Variants in ANOS1 observed in about 807,000 individuals in gnomAD.
ANOS1 encodes anosmin 1.
In ANOS1, 6 loss-of-function variants were observed where a neutral mutation model predicts 59.0. The ratio of observed to expected loss-of-function variants is 0.10; its 90% CI spans 0.06 to 0.20. The LOEUF is 0.20. Ranked by LOEUF, ANOS1 falls within the 10% of genes least tolerant of loss-of-function variation. The pLI is 1.00. For synonymous variants in ANOS1, 217 were observed against 223.4 expected (o/e 0.97, Z 0.25); for missense variants, 433 against 542.3 (o/e 0.80, Z 2.00).
At chrX:8,641,934 T>C (rs1931672098) in intron 2 of ANOS1, among the ~76,000 whole-genome samples, 1 of 111,066 alleles carries the variant, frequency 9.0e-6, no homozygotes, top group Non-Finnish European at 1.9e-5. Flanking sequence ...AGACACAGAG[T>C]TTATTTTAAT....
chrX:8,553,491 C>T (rs1257074394), intron 9 of ANOS1, among the ~76,000 whole-genome samples: 1 of 111,440 alleles, frequency 9.0e-6, no homozygotes, highest in African/African-American at 3.3e-5. Context: ...CTCACACACA[C>T]ACACCCTAAC....
In ANOS1 at chrX:8,588,062, A is replaced by T. The variant is rs146331205; in HGVS notation, c.542-84T>A. 6,820 of 864,823 alleles carry T rather than the reference A, an allele frequency of 7.9e-3. 118 individuals are homozygous for T. The South Asian group carries it at 0.081, about 10-fold the overall frequency. The allele number at this position is 864,823 out of a possible 1,213,427, so 71.3% of individuals were successfully genotyped here. ...TTGAGGAAGAACAAATATGGAAGAG[A>T]TGAATCTGATCTGATGACAACTGAG... On this transcript the variant is annotated intron_variant, in intron 4 of 13. Transcript: ENST00000262648.
chrX:8,606,876 G>A (rs1930952712), intron 3 of ANOS1, among the ~76,000 whole-genome samples: 1 of 112,855 alleles, frequency 8.9e-6, no homozygotes, highest in African/African-American at 3.2e-5. Flanking sequence ...CCAGCACTTT[G>A]GGAGGCCAAG....
intron 1 of ANOS1, among the ~76,000 whole-genome samples, chrX:8,712,830 C>A (rs1932819959): frequency 8.9e-6 from 1 of 112,363 alleles, no homozygotes; most frequent in Non-Finnish European, 1.9e-5. Flanking sequence ...AAGAACCACA[C>A]CGTCATAATG....
At chrX:8,629,341 CTG>C (rs1311325588) in intron 2 of ANOS1, among the ~76,000 whole-genome samples, 3 of 111,877 alleles carry the variant, frequency 2.7e-5, no homozygotes, top group Non-Finnish European at 5.6e-5. Flanking sequence ...GCTAGTGACT[CTG>C]GGAGAGATTG....
chrX:8,730,675 C>A (rs999921610), intron 1 of ANOS1, among the ~76,000 whole-genome samples: 1 of 109,280 alleles, frequency 9.2e-6, no homozygotes, highest in East Asian at 2.9e-4. Context: ...GCCAGGGGAA[C>A]CCCTCCCCCC....
chrX:8,716,338 G>C (rs1047051858), intron 1 of ANOS1, among the ~76,000 whole-genome samples: 1 of 111,830 alleles, frequency 8.9e-6, no homozygotes, highest in Admixed American at 9.5e-5. Context: ...TTTTCGTTTA[G>C]GAGAGAGAAA....
At chrX:8,713,014 A>G (rs773456036) in intron 1 of ANOS1, among the ~76,000 whole-genome samples, 1 of 111,138 alleles carries the variant, frequency 9.0e-6, no homozygotes, top group African/African-American at 3.3e-5. Context: ...CCCTGAACAC[A>G]TATGTTCAGA....
At chrX:8,587,488 C>T (rs1232370630) in intron 5 of ANOS1, among the ~76,000 whole-genome samples, 1 of 111,791 alleles carries the variant, frequency 8.9e-6, no homozygotes, top group East Asian at 2.8e-4. Flanking sequence ...CTCTAGTTGG[C>T]TTTGAGTTTA....
Position 8,602,328 on chromosome X carries a change from G to C in ANOS1, c.319-5072C>G, listed in dbSNP as rs745689369. On this transcript the variant is annotated intron_variant, in intron 3 of 13. Coordinates refer to ENST00000262648, the MANE Select transcript of ANOS1 (RefSeq NM_000216.4). ...GTACAGGTCAGAGAAAATGCTGTGT[G>C]AATATTAATACTCTAGATATAAACA... Among the ~76,000 whole-genome samples the C allele has an allele frequency of 6.3e-5, 7 of 111,791 alleles. No homozygotes were observed. In the East Asian group the frequency reaches 2.0e-3, roughly 31 times the overall value.
intron 4 of ANOS1, among the ~76,000 whole-genome samples, chrX:8,591,230 T>C (rs1930610518): frequency 9.0e-6 from 1 of 111,491 alleles, no homozygotes; most frequent in Non-Finnish European, 1.9e-5. Flanking sequence ...GTGGCCTGCA[T>C]ATGCCAGACA....
chrX:8,576,543 T>C (rs776999935), intron 6 of ANOS1, among the ~76,000 whole-genome samples: 3 of 107,377 alleles, frequency 2.8e-5, no homozygotes, highest in African/African-American at 7.0e-5. Flanking sequence ...TATGCATAAA[T>C]AGACAGTGGC....
At chrX:8,730,830 A>G (rs1480231962) in intron 1 of ANOS1, among the ~76,000 whole-genome samples, 1 of 112,549 alleles carries the variant, frequency 8.9e-6, no homozygotes, top group African/African-American at 3.2e-5. Flanking sequence ...AGGATTTCAG[A>G]GCTCGCACGC....
intron 9 of ANOS1, among the ~76,000 whole-genome samples, chrX:8,543,685 G>A (rs1165673488): frequency 9.1e-6 from 1 of 110,193 alleles, no homozygotes; most frequent in African/African-American, 3.3e-5. Context: ...CCAGCATGGT[G>A]AAACCCTGTC....
intron 3 of ANOS1, among the ~76,000 whole-genome samples, chrX:8,610,033 A>AAAAAAAACAAC (rs1287806402): frequency 2.4e-5 from 2 of 82,692 alleles, no homozygotes; most frequent in Non-Finnish European, 2.3e-5. Flanking sequence ...AAAAAAAAAA[A>AAAAAAAACAAC]AACAACAACC....
At chrX:8,579,701 G>A (rs998762011) in intron 6 of ANOS1, among the ~76,000 whole-genome samples, 22 of 110,570 alleles carry the variant, frequency 2.0e-4, no homozygotes, top group African/African-American at 7.3e-4. Context: ...GCTGTGTCTG[G>A]GCTCAGAGCA....
In ANOS1 at chrX:8,557,591, T is replaced by G. The variant is rs1341707952; in HGVS notation, c.1208-3493A>C. On this transcript the variant is annotated intron_variant, in intron 8 of 13. Transcript: ENST00000262648. ...ATGAAAAAAAGCTCACCATCACTGGTCATTAGAGAAATGCAAATCAAAACC... is the reference window on the plus strand; with the variant it reads ...ATGAAAAAAAGCTCACCATCACTGGGCATTAGAGAAATGCAAATCAAAACC... Among the ~76,000 whole-genome samples, 7 of 112,495 alleles carry G rather than the reference T, an allele frequency of 6.2e-5. No individual in the cohort carries two copies. In the East Asian group the frequency reaches 2.0e-3, roughly 31 times the overall value.
At position 8,568,356 on chromosome X, in the gene ANOS1, C is replaced by A; in HGVS notation, c.1083G>T (p.Leu361=). 1 of 1,210,154 alleles carries A rather than the reference C, an allele frequency of 8.3e-7. No individual in the cohort carries two copies. Residue 361 remains leucine, a synonymous_variant, in exon 8 of 14, where the codon CTG becomes CTT. Transcript: ENST00000262648. ...AGTCACAGTCTGGCTGGAGTTTCTCCAGGATCACAGAATTTTGAAACTAGA... is the reference window on the plus strand; with the variant it reads ...AGTCACAGTCTGGCTGGAGTTTCTCAAGGATCACAGAATTTTGAAACTAGA... The part of the protein sequence containing the change: ...TTDGFQNSVI[L]EKLQPDCDYV...
At chrX:8,621,561 A>G (rs1931293591) in intron 3 of ANOS1, among the ~76,000 whole-genome samples, 1 of 111,850 alleles carries the variant, frequency 8.9e-6, no homozygotes. Context: ...CCACAAGCCT[A>G]TAACACATAA....
Sources: gnomAD v4.1 joint callset for allele counts (sites outside exome capture counted in the v4.1 genomes callset) on GRCh38, gnomAD v4.1.1 for gene constraint, MANE v1.5 for transcripts, NCBI Gene and HGNC (gene_info 2026-07-23, HGNC 2026-07-21) for gene names.